The following PPM1H variants were observed in gnomAD, a reference collection of about 807,000 sequenced individuals.
PPM1H encodes the protein protein phosphatase 1H.
In PPM1H, 27 loss-of-function variants were observed where a neutral mutation model predicts 54.9. That is an observed-to-expected ratio of 0.49 (90% CI 0.36 to 0.68). The LOEUF (loss-of-function observed/expected upper bound fraction) is 0.68, where lower values mean the gene tolerates loss of function less well. PPM1H is among the 30% of genes least tolerant of loss of function. PPM1H has a pLI of 0.00. For synonymous variants in PPM1H, 305 were observed against 270.8 expected (o/e 1.13, Z -1.24); for missense variants, 596 against 667.8 (o/e 0.89, Z 1.19).
At chr12:62,717,075 C>T (rs116383415) in intron 6 of PPM1H, among the ~76,000 whole-genome samples, 2,707 of 152,276 alleles carry the variant, frequency 0.018, 76 homozygotes, top group African/African-American at 0.061. Context: ...CTGGACTCAA[C>T]TGATCCTACC....
At chr12:62,764,267 C>A (rs539105645) in intron 4 of PPM1H, among the ~76,000 whole-genome samples, 28 of 152,258 alleles carry the variant, frequency 1.8e-4, no homozygotes, top group African/African-American at 6.3e-4. Flanking sequence ...CCAATGTCCC[C>A]TGGCTTATGT....
intron 4 of PPM1H, among the ~76,000 whole-genome samples, chr12:62,775,536 T>C (rs1341921744): frequency 6.6e-6 from 1 of 152,284 alleles, no homozygotes; most frequent in Non-Finnish European, 1.5e-5. Context: ...CAACTGTTTA[T>C]GAATTTACAA....
In PPM1H at chr12:62,844,530, T is replaced by C. The variant is rs1868884114; in HGVS notation, c.246-12251A>G. ...TTCCAACAGCTTTAAGTTTGGATTA[T>C]TTAATTTCACACTTTGAAGGAGACA... On this transcript the variant is annotated intron_variant, in intron 1 of 9. Transcript: ENST00000228705. This position sits in a 1 kb window ranked among gnomAD's most constrained non-coding sequence, Gnocchi z 5.2. Among the ~76,000 whole-genome samples, 1 of 152,226 alleles carries C rather than the reference T, an allele frequency of 6.6e-6. No individual in the cohort carries two copies. Among genetic ancestry groups the C allele is most frequent in the Admixed American group, 6.5e-5 (1 of 15,286 alleles).
chr12:62,826,331 C>T (rs1219401705), intron 2 of PPM1H, among the ~76,000 whole-genome samples: 3 of 152,160 alleles, frequency 2.0e-5, no homozygotes, highest in Non-Finnish European at 1.5e-5. Context: ...TGCCGGTAAT[C>T]CCAGCTACTC....
At chr12:62,919,655 C>T (rs1360673253) in intron 1 of PPM1H, among the ~76,000 whole-genome samples, 1 of 151,920 alleles carries the variant, frequency 6.6e-6, no homozygotes, top group African/African-American at 2.4e-5. Context: ...ACAAGGAATT[C>T]ATCCAAGAAA....
Position 62,741,285 on chromosome 12 carries a change from A to G in PPM1H, c.870-3699T>C, listed in dbSNP as rs1190976861. 4.6e-5 allele frequency among the ~76,000 whole-genome samples: 7 copies of G among 152,144 alleles called. No homozygotes were observed. The East Asian group carries it at 1.4e-3, about 29-fold the overall frequency. On this transcript the variant is annotated intron_variant, in intron 4 of 9. Coordinates refer to ENST00000228705, the MANE Select transcript of PPM1H (RefSeq NM_020700.2). Reference sequence around the variant, plus strand: ...TCCCTCTCTTTCCTTGATTCCTGCTAGTGCCTTGGTTCTGGTTTCCATCAG... The same window carrying G: ...TCCCTCTCTTTCCTTGATTCCTGCTGGTGCCTTGGTTCTGGTTTCCATCAG...
intron 2 of PPM1H, among the ~76,000 whole-genome samples, chr12:62,808,900 A>C (rs2076820296): frequency 6.6e-6 from 1 of 152,140 alleles, no homozygotes; most frequent in African/African-American, 2.4e-5. Flanking sequence ...GCAAGAAAGA[A>C]GTGCTAGAAT....
At chr12:62,875,548 G>C (rs540914739) in intron 1 of PPM1H, among the ~76,000 whole-genome samples, 1 of 152,166 alleles carries the variant, frequency 6.6e-6, no homozygotes, top group African/African-American at 2.4e-5. Flanking sequence ...GAATGGGCTC[G>C]TTAAAATACC....
chr12:62,746,316 T>C lies in PPM1H; in HGVS notation c.870-8730A>G, dbSNP rs138509794. Among the ~76,000 whole-genome samples the C allele has an allele frequency of 5.8e-3, 888 of 152,362 alleles. 8 individuals are homozygous for C. The highest frequency in any genetic ancestry group is 0.021 in the African/African-American group (862 of 41,584). On this transcript the variant is annotated intron_variant, in intron 4 of 9. Transcript: ENST00000228705. ...GCACCCAAGAACTGACTTGAAACTATGCCCACAGGCTCTGACAGTATATAT... is the reference window on the plus strand; with the variant it reads ...GCACCCAAGAACTGACTTGAAACTACGCCCACAGGCTCTGACAGTATATAT...
intron 9 of PPM1H, among the ~76,000 whole-genome samples, chr12:62,661,991 C>T (rs377607561): frequency 1.2e-4 from 19 of 152,152 alleles, no homozygotes; most frequent in African/African-American, 4.1e-4. Context: ...CCATCTTCCC[C>T]GAAAGGCATA....
chr12:62,710,230 A>T (rs1391714832), intron 6 of PPM1H, among the ~76,000 whole-genome samples: 1 of 151,690 alleles, frequency 6.6e-6, no homozygotes, highest in South Asian at 2.1e-4. Context: ...ACAGGAGTAC[A>T]TTAAAAGGTC....
intron 4 of PPM1H, among the ~76,000 whole-genome samples, chr12:62,743,874 A>T (rs2076395571): frequency 6.6e-6 from 1 of 152,164 alleles, no homozygotes. Context: ...GGGAAACATT[A>T]AAAAAACAAC....
intron 4 of PPM1H, among the ~76,000 whole-genome samples, chr12:62,787,435 G>A (rs1297678947): frequency 6.6e-6 from 1 of 152,228 alleles, no homozygotes; most frequent in Non-Finnish European, 1.5e-5. Context: ...GAAAGCGGTG[G>A]AGAAGTGTGT....
At chr12:62,724,685 G>A (rs1198887870) in intron 5 of PPM1H, among the ~76,000 whole-genome samples, 1 of 152,076 alleles carries the variant, frequency 6.6e-6, no homozygotes, top group Non-Finnish European at 1.5e-5. Flanking sequence ...AAACATATAT[G>A]CCATTAGACG....
Position 62,839,599 on chromosome 12 carries a change from G to A in PPM1H, c.246-7320C>T, listed in dbSNP as rs144492560. On this transcript the variant is annotated intron_variant, in intron 1 of 9. Coordinates refer to ENST00000228705, the MANE Select transcript of PPM1H (RefSeq NM_020700.2). ...CTTTTGTCATTGAAGTGACCAGCCTGGCCTCATGGGCATTTGAATCTGTAA... is the reference window on the plus strand; with the variant it reads ...CTTTTGTCATTGAAGTGACCAGCCTAGCCTCATGGGCATTTGAATCTGTAA... Among the ~76,000 whole-genome samples, 646 of 151,672 alleles carry A rather than the reference G, an allele frequency of 4.3e-3. 7 individuals are homozygous for A. Among genetic ancestry groups the A allele is most frequent in the African/African-American group, 0.015 (618 of 41,296 alleles).
At chr12:62,873,661 C>T (rs1870063708) in intron 1 of PPM1H, among the ~76,000 whole-genome samples, 1 of 152,218 alleles carries the variant, frequency 6.6e-6, no homozygotes, top group Admixed American at 6.5e-5. Flanking sequence ...TGAGAGGACT[C>T]GCACTAACCC....
chr12:62,681,217 A>G (rs781740891), intron 8 of PPM1H, among the ~76,000 whole-genome samples: 3 of 152,040 alleles, frequency 2.0e-5, no homozygotes, highest in Non-Finnish European at 2.9e-5. Flanking sequence ...AAAAAAGCAT[A>G]TTTTTTCCTC....
At chr12:62,931,957 G>T (rs1427819131) in intron 1 of PPM1H, among the ~76,000 whole-genome samples, 1 of 151,746 alleles carries the variant, frequency 6.6e-6, no homozygotes, top group East Asian at 1.9e-4. Context: ...ATTTTGAGAA[G>T]AAAAAAGAAA....
intron 8 of PPM1H, among the ~76,000 whole-genome samples, chr12:62,668,781 A>G (rs2075936246): frequency 6.6e-6 from 1 of 152,250 alleles, no homozygotes; most frequent in Admixed American, 6.5e-5. Flanking sequence ...AGAGACAATC[A>G]TATCACCTCA....
Sources: allele counts gnomAD v4.1 joint callset (sites outside exome capture counted in the v4.1 genomes callset), GRCh38; gene constraint gnomAD v4.1.1; non-coding constraint Gnocchi (gnomAD v3.1); transcripts MANE v1.5; gene names NCBI Gene and HGNC (gene_info 2026-07-23, HGNC 2026-07-21).